SYTL1: variants seen among roughly 807,000 people sequenced by gnomAD.
The protein encoded by SYTL1 is synaptotagmin-like protein 1.
Under a neutral mutation model 74.6 loss-of-function variants are expected in SYTL1, and 53 were observed. That is an observed-to-expected ratio of 0.71 (90% CI 0.57 to 0.89). The LOEUF is 0.89. Among genes scored for constraint, SYTL1 ranks in the 40% least tolerant of loss-of-function variants. SYTL1 has a pLI of 0.00. For synonymous variants in SYTL1, 329 were observed against 324.9 expected, an observed-to-expected ratio of 1.01 and a Z score of -0.14; for missense variants, 728 against 768.7, an observed-to-expected ratio of 0.95 and a Z score of 0.63.
chr1:27,351,918 G>A lies in SYTL1; in HGVS notation c.1343+363G>A, dbSNP rs1452434506. 9.9e-6 allele frequency: 2 copies of A among 202,526 alleles called. No homozygotes were observed. The highest frequency in any genetic ancestry group is 1.5e-4 in the South Asian group (1 of 6,632). The allele number at this position is 202,526 out of a possible 1,614,324, so 12.5% of individuals were successfully genotyped here. On this transcript the variant is annotated intron_variant, in intron 13 of 14. Coordinates refer to ENST00000616558, the MANE Select transcript of SYTL1 (RefSeq NM_001193308.2). The surrounding 1 kb of genome is among the most constrained non-coding windows in gnomAD (Gnocchi z 5.0). ...CCTCCAGGTGCTGCCCCCACTGTTA[G>A]AGAGTGAAATGGAGGTGGGCGGGTC...
At chr1:27,349,583 C>T in intron 7 of SYTL1, 69 bp from the exon 8 acceptor site, 1 of 1,520,446 alleles carries the variant, frequency 6.6e-7, no homozygotes, top group Non-Finnish European at 8.8e-7. Context: ...TGCGAGCCGC[C>T]CGCGACCCAG....
Position 27,347,320 on chromosome 1 carries a change from T to C in SYTL1, c.192-101T>C, listed in dbSNP as rs1333533251. ...ACAGCACAGATCAAGTCTGATTTGC[T>C]GTTGGGTCCCTGGCCCCTGGTCCCA... On this transcript the variant is annotated intron_variant, in intron 2 of 14. Coordinates refer to ENST00000616558, the MANE Select transcript of SYTL1 (RefSeq NM_001193308.2). The surrounding 1 kb of genome is among the most constrained non-coding windows in gnomAD (Gnocchi z 4.9). 1 of 1,505,390 alleles carries C rather than the reference T, an allele frequency of 6.6e-7. No homozygotes were observed. Among genetic ancestry groups the C allele is most frequent in the Non-Finnish European group, 9.1e-7 (1 of 1,094,112 alleles). The allele number at this position is 1,505,390 out of a possible 1,614,324, so 93.3% of individuals were successfully genotyped here.
rs975553817 is a variant in SYTL1, at chr1:27,349,623, G to A, written c.634-29G>A. On this transcript the variant is annotated intron_variant, in intron 7 of 14. Transcript: ENST00000616558. ...CTCGGGGCAGGGGTGGGGAAAGAAG[G>A]GGCGCCCCGTCACTTGCCCCCTCTG... 6 of 1,577,322 alleles carry A rather than the reference G, an allele frequency of 3.8e-6. No homozygotes were observed. The African/African-American group carries it at 6.8e-5, about 18-fold the overall frequency.
chr1:27,345,321 C>A lies in SYTL1; in HGVS notation c.-14C>A, dbSNP rs1038302999. 5.4e-6 allele frequency: 8 copies of A among 1,471,824 alleles called. No individual in the cohort carries two copies. The highest frequency in any genetic ancestry group is 7.2e-6 in the Non-Finnish European group (8 of 1,112,442). 91.2% of individuals were successfully genotyped at this position (1,471,824 alleles called of 1,614,324 possible). On this transcript the variant is annotated 5_prime_UTR_variant, in exon 2 of 15. Transcript: ENST00000616558. The surrounding 1 kb of genome is among the most constrained non-coding windows in gnomAD (Gnocchi z 6.0). The stretch of plus-strand genomic sequence containing the variant: ...GGAAGCTCCGTGTGCCCAGCTGGGG[C>A]ACAGCCCCAGCTGATGCCCCAGAGG...
chr1:27,349,625 G>T, intron 7 of SYTL1, 27 bp from the exon 8 acceptor site: 1 of 1,578,632 alleles, frequency 6.3e-7, no homozygotes, highest in South Asian at 1.2e-5. Flanking sequence ...GAAAGAAGGG[G>T]CGCCCCGTCA....
rs368161422 is a variant in SYTL1 at position 27,350,473 on chromosome 1, C to T, written c.993C>T (p.Asn331=). ...VKKRNLNPVF[N]ETLRYSVPQA... Reference sequence around the variant, plus strand: ...AACGGAATCTGAATCCGGTTTTCAACGAGACTCTCCGGGTGAGGCTGTGAC... The same window carrying T: ...AACGGAATCTGAATCCGGTTTTCAATGAGACTCTCCGGGTGAGGCTGTGAC... Residue 331 remains asparagine, a synonymous_variant, in exon 10 of 15, where the codon AAC becomes AAT. Transcript: ENST00000616558. This position sits in a 1 kb window ranked among gnomAD's most constrained non-coding sequence, Gnocchi z 6.3. 28 of 1,613,056 alleles carry T rather than the reference C, an allele frequency of 1.7e-5. No homozygotes were observed. The highest frequency in any genetic ancestry group is 2.3e-5 in the Non-Finnish European group (27 of 1,179,472).
chr1:27,349,301 T>C, intron 6 of SYTL1, 97 bp from the exon 7 acceptor site: 1 of 1,457,796 alleles, frequency 6.9e-7, no homozygotes, highest in South Asian at 1.4e-5. Context: ...CACCGGGGCC[T>C]GAATCTGCAG....
chr1:27,345,042 G>T lies in SYTL1; in HGVS notation c.-38-255G>T, dbSNP rs755604082. 5 of 243,108 alleles carry T rather than the reference G, an allele frequency of 2.1e-5. No individual in the cohort carries two copies. The highest frequency in any genetic ancestry group is 5.6e-5 in the Admixed American group (1 of 17,880). The allele number at this position is 243,108 out of a possible 1,614,324, so 15.1% of individuals were successfully genotyped here. A position where few individuals can be genotyped will look rare whatever the true frequency, so the allele number is the denominator to read the frequency against. The stretch of plus-strand genomic sequence containing the variant: ...TGCACATGTGTCTGTGTGTTCCATC[G>T]CTGCAGTCCTGTGTGGCCCTACCTC... On this transcript the variant is annotated intron_variant, in intron 1 of 14. Coordinates refer to ENST00000616558, the MANE Select transcript of SYTL1 (RefSeq NM_001193308.2). The surrounding 1 kb of genome is among the most constrained non-coding windows in gnomAD (Gnocchi z 6.0).
Position 27,345,241 on chromosome 1 carries a change from C to A in SYTL1, c.-38-56C>A. The A allele has an allele frequency of 1.0e-6, 1 of 1,001,122 alleles. No individual in the cohort carries two copies. The highest frequency in any genetic ancestry group is 1.4e-6 in the Non-Finnish European group (1 of 708,008). The allele number at this position is 1,001,122 out of a possible 1,614,324, so 62.0% of individuals were successfully genotyped here. A position where few individuals can be genotyped will look rare whatever the true frequency, so the allele number is the denominator to read the frequency against. ...TTTGGGGAGAAAAGGGCTGTTGGTT[C>A]TAGGATGTGCCAAGCATTTGTGCAG... On this transcript the variant is annotated intron_variant, in intron 1 of 14. Coordinates refer to ENST00000616558, the MANE Select transcript of SYTL1 (RefSeq NM_001193308.2). The surrounding 1 kb of genome is among the most constrained non-coding windows in gnomAD (Gnocchi z 6.0).
rs778822545 is a variant in SYTL1, at chr1:27,345,400, T to C, written c.66T>C (p.His22=). The change falls in exon 2 of 15, where the codon CAT becomes CAC. Residue 22 remains histidine (H), a synonymous_variant. Transcript: ENST00000616558. This position sits in a 1 kb window ranked among gnomAD's most constrained non-coding sequence, Gnocchi z 6.0. ...CTCTGCCCTCCCTCCCCATGGCGCA[T>C]GGGCCAAAGCCTGAGACTGAAGGAC... ...LWALPSLPMA[H]GPKPETEGLL... 1.1e-5 allele frequency: 17 copies of C among 1,558,388 alleles called. No individual in the cohort carries two copies. In the Admixed American group the frequency reaches 3.1e-4, roughly 28 times the overall value.
chr1:27,350,582 G>C lies in SYTL1; in HGVS notation c.1005+97G>C. 2 of 1,177,192 alleles carry C rather than the reference G, an allele frequency of 1.7e-6. No individual in the cohort carries two copies. The highest frequency in any genetic ancestry group is 3.9e-4 in the Middle Eastern group (2 of 5,102). The allele number at this position is 1,177,192 out of a possible 1,614,324, so 72.9% of individuals were successfully genotyped here. On this transcript the variant is annotated intron_variant, in intron 10 of 14. Coordinates refer to ENST00000616558, the MANE Select transcript of SYTL1 (RefSeq NM_001193308.2). This position sits in a 1 kb window ranked among gnomAD's most constrained non-coding sequence, Gnocchi z 6.3. ...AGGGCAGCCAGTAACGTCATTGCCC[G>C]GAGGATCGGCGGAGGGGGCCCATTA...
Position 27,349,688 on chromosome 1 carries a change from G to A in SYTL1, c.670G>A (p.Glu224Lys). 6.2e-7 allele frequency: 1 copy of A among 1,611,176 alleles called. No homozygotes were observed. The highest frequency in any genetic ancestry group is 8.5e-7 in the Non-Finnish European group (1 of 1,179,270). The change falls in exon 8 of 15, where the codon GAG becomes AAG. Residue 224 changes from glutamate (E) to lysine (K), a missense_variant. Glu to Lys is a moderately conservative substitution (Grantham distance 56). Transcript: ENST00000616558. Reference sequence around the variant, plus strand: ...GTCCCAGATCCTGGAGAATGGGGAGGAGGCCCCGGGGCCCGACCCCTCTCT... The same window carrying A: ...GTCCCAGATCCTGGAGAATGGGGAGAAGGCCCCGGGGCCCGACCCCTCTCT... Reference protein sequence around the residue: ...AASQILENGEEAPGPDPSLDR... With the variant: ...AASQILENGEKAPGPDPSLDR...
Position 27,353,839 on chromosome 1 carries a change from C to G in SYTL1, c.1676C>G (p.Ala559Gly). The G allele has an allele frequency of 6.2e-7, 1 of 1,613,258 alleles. No individual in the cohort carries two copies. The highest frequency in any genetic ancestry group is 8.5e-7 in the Non-Finnish European group (1 of 1,179,354). Residue 559 changes from alanine to glycine, a missense_variant, in exon 15 of 15, where the codon GCC (alanine) becomes GGC (glycine). Physicochemically the swap from Ala to Gly is moderately conservative, Grantham distance 60 (BLOSUM62 0). Transcript: ENST00000616558. The stretch of plus-strand genomic sequence containing the variant: ...CTTCTACCCCTCAGAACCAACCTGG[C>G]CCCCAGGACGTAGCCCCACCAAGCC... ...DGLLPLRTNLAPRT is the reference protein window; with the variant it reads ...DGLLPLRTNLGPRT
rs766195527 is a variant in SYTL1 at position 27,349,772 on chromosome 1, C to A, written c.747+7C>A. ...CAGCCTTAACTCCTCCACGGTGAGGCGGGAGGGAGGGGACCCGGGCGGCCG... is the reference window on the plus strand; with the variant it reads ...CAGCCTTAACTCCTCCACGGTGAGGAGGGAGGGAGGGGACCCGGGCGGCCG... On this transcript the variant is annotated splice_region_variant and intron_variant, in intron 8 of 14. Transcript: ENST00000616558. 18 of 1,591,970 alleles carry A rather than the reference C, an allele frequency of 1.1e-5. No homozygotes were observed. The South Asian group carries it at 1.2e-4, about 11-fold the overall frequency.
rs1376927413 is a variant in SYTL1 at position 27,342,311 on chromosome 1, T to C, written c.-39+161T>C. 1 of 984,602 alleles carries C rather than the reference T, an allele frequency of 1.0e-6. No homozygotes were observed. The highest frequency in any genetic ancestry group is 4.7e-5 in the South Asian group (1 of 21,282). 61.0% of individuals were successfully genotyped at this position (984,602 alleles called of 1,614,324 possible). On this transcript the variant is annotated intron_variant, in intron 1 of 14. Transcript: ENST00000616558. This position sits in a 1 kb window ranked among gnomAD's most constrained non-coding sequence, Gnocchi z 4.7. Reference sequence around the variant, plus strand: ...ATGGACAGACCCTCCTCTTGACCAATGGGTCTGTCCCACCGTGTCAAAACA... The same window carrying C: ...ATGGACAGACCCTCCTCTTGACCAACGGGTCTGTCCCACCGTGTCAAAACA...
In SYTL1 at chr1:27,351,565, G is replaced by C; in HGVS notation, c.1343+10G>C. On this transcript the variant is annotated intron_variant, in intron 13 of 14. Coordinates refer to ENST00000616558, the MANE Select transcript of SYTL1 (RefSeq NM_001193308.2). The surrounding 1 kb of genome is among the most constrained non-coding windows in gnomAD (Gnocchi z 5.0). ...ACACTTACGTACAATGGTGAGGAGTGCTGGCCCTCCGGGCTTCCCATTCTT... is the reference window on the plus strand; with the variant it reads ...ACACTTACGTACAATGGTGAGGAGTCCTGGCCCTCCGGGCTTCCCATTCTT... 6.6e-7 allele frequency: 1 copy of C among 1,503,916 alleles called. No homozygotes were observed. Among genetic ancestry groups the C allele is most frequent in the Non-Finnish European group, 8.9e-7 (1 of 1,118,874 alleles). The allele number at this position is 1,503,916 out of a possible 1,614,324, so 93.2% of individuals were successfully genotyped here.
At position 27,348,929 on chromosome 1, in the gene SYTL1, T is replaced by C. The variant is rs1449051198; in HGVS notation, c.460-151T>C. ...TGTGAAGCACTGGTCTCACCGCTCC[T>C]GCAGCTGGCTGCCAGCCCTGCCCGG... On this transcript the variant is annotated intron_variant, in intron 5 of 14. Transcript: ENST00000616558. The surrounding 1 kb of genome is among the most constrained non-coding windows in gnomAD (Gnocchi z 4.1). 1 of 630,590 alleles carries C rather than the reference T, an allele frequency of 1.6e-6. No homozygotes were observed. The highest frequency in any genetic ancestry group is 1.9e-5 in the South Asian group (1 of 51,612). 39.1% of individuals were successfully genotyped at this position (630,590 alleles called of 1,614,324 possible). A position where few individuals can be genotyped will look rare whatever the true frequency, so the allele number is the denominator to read the frequency against.
rs1396567804 is a variant in SYTL1, at chr1:27,345,856, T to G, written c.191+331T>G. On this transcript the variant is annotated intron_variant, in intron 2 of 14. Coordinates refer to ENST00000616558, the MANE Select transcript of SYTL1 (RefSeq NM_001193308.2). This position sits in a 1 kb window ranked among gnomAD's most constrained non-coding sequence, Gnocchi z 6.0. ...GTGAAGTGGCACAATCTTGGCTCACTGCAACCTCCACCCCTCCGGGTTCAA... is the reference window on the plus strand; with the variant it reads ...GTGAAGTGGCACAATCTTGGCTCACGGCAACCTCCACCCCTCCGGGTTCAA... Among the ~76,000 whole-genome samples, 1 of 151,988 alleles carries G rather than the reference T, an allele frequency of 6.6e-6. No individual in the cohort carries two copies. Among genetic ancestry groups the G allele is most frequent in the Admixed American group, 6.6e-5 (1 of 15,258 alleles).
At position 27,351,605 on chromosome 1, in the gene SYTL1, G is replaced by GGTTGGGCACTCCAC; in HGVS notation, c.1343+50_1343+51insGTTGGGCACTCCAC. ...TTCCCATTCTTTTGCCTGCAGTGGA[G>GGTTGGGCACTCCAC]TGCCCAACCTCCACAAACCCTTACT... On this transcript the variant is annotated intron_variant, in intron 13 of 14. Coordinates refer to ENST00000616558, the MANE Select transcript of SYTL1 (RefSeq NM_001193308.2). This position sits in a 1 kb window ranked among gnomAD's most constrained non-coding sequence, Gnocchi z 5.0. 1 of 1,229,588 alleles carries GGTTGGGCACTCCAC rather than the reference G, an allele frequency of 8.1e-7. No individual in the cohort carries two copies. Among genetic ancestry groups the GGTTGGGCACTCCAC allele is most frequent in the Non-Finnish European group, 1.1e-6 (1 of 885,304 alleles). 76.2% of individuals were successfully genotyped at this position (1,229,588 alleles called of 1,614,324 possible). A position where few individuals can be genotyped will look rare whatever the true frequency, so the allele number is the denominator to read the frequency against.
Sources: allele counts gnomAD v4.1 joint callset (sites outside exome capture counted in the v4.1 genomes callset), GRCh38; gene constraint gnomAD v4.1.1; non-coding constraint Gnocchi (gnomAD v3.1); transcripts MANE v1.5; gene names NCBI Gene and HGNC (gene_info 2026-07-23, HGNC 2026-07-21).